Variants in FKBP1A observed in about 807,000 individuals in gnomAD.
The protein encoded by FKBP1A is FKBP prolyl isomerase 1A.
A neutral mutation model predicts 14.2 loss-of-function variants in FKBP1A; 5 were observed. That is an observed-to-expected ratio of 0.35 (90% confidence interval 0.18 to 0.74). The LOEUF (loss-of-function observed/expected upper bound fraction) is 0.74, where lower values mean the gene tolerates loss of function less well. Among genes scored for constraint, FKBP1A ranks in the 30% least tolerant of loss-of-function variants. The pLI, the probability that FKBP1A is intolerant of heterozygous loss-of-function variation, is 0.56. For missense variants in FKBP1A, 53 were observed against 138.8 expected, an observed-to-expected ratio of 0.38 and a Z score of 3.10; for synonymous variants, 42 against 49.1, an observed-to-expected ratio of 0.86 and a Z score of 0.60.
At chr20:1,377,329 T>A (rs949445434) in intron 2 of FKBP1A, 2 of 151,810 alleles carry the variant, frequency 1.3e-5, no homozygotes, top group African/African-American at 4.8e-5. Flanking sequence ...AGAGCAGGAG[T>A]AGAGACGGAT....
At chr20:1,375,283 G>GAAA in intron 3 of FKBP1A, 1 of 595,194 alleles carries the variant, frequency 1.7e-6, no homozygotes, top group Non-Finnish European at 3.0e-6. Context: ...GTGAAAGCAA[G>GAAA]AAAAAAGTTA....
intron 4 of FKBP1A, chr20:1,370,737 C>G: frequency 1.0e-6 from 1 of 985,376 alleles, no homozygotes; most frequent in Non-Finnish European, 1.2e-6. Flanking sequence ...CTCTCCCCTC[C>G]CTCTACCTCA....
intron 2 of FKBP1A, 28 bp downstream of exon 2, chr20:1,392,805 GC>G (rs1452578101): frequency 5.4e-6 from 8 of 1,475,382 alleles, no homozygotes; most frequent in Non-Finnish European, 7.2e-6. Context: ...TGCGGCCCGG[GC>G]CCCCTCCCCG....
intron 2 of FKBP1A, among the ~76,000 whole-genome samples, chr20:1,381,273 C>G (rs1357323371): frequency 1.3e-5 from 2 of 152,006 alleles, no homozygotes; most frequent in Non-Finnish European, 2.9e-5. Context: ...TAAAAAAGGG[C>G]TAAAGATTTG....
At chr20:1,388,427 AAC>A (rs1443042215) in intron 2 of FKBP1A, among the ~76,000 whole-genome samples, 1 of 152,234 alleles carries the variant, frequency 6.6e-6, no homozygotes, top group Admixed American at 6.5e-5. Flanking sequence ...AAAAAAGAGC[AAC>A]ACTTTGGAGA....
intron 3 of FKBP1A, chr20:1,374,455 T>C (rs2089510625): frequency 6.6e-6 from 1 of 152,206 alleles, no homozygotes; most frequent in South Asian, 2.1e-4. Flanking sequence ...TTAAAACCAC[T>C]GATATCATGT....
intron 4 of FKBP1A, chr20:1,370,804 G>A: frequency 1.0e-6 from 1 of 985,368 alleles, no homozygotes; most frequent in Non-Finnish European, 1.2e-6. Flanking sequence ...GCTCCCTCGA[G>A]TACAGTTATG....
Position 1,390,683 on chromosome 20 carries a change from C to A in FKBP1A, c.85+2151G>T, listed in dbSNP as rs1224607518. Among the ~76,000 whole-genome samples, 3 of 152,200 alleles carry A rather than the reference C, an allele frequency of 2.0e-5. No homozygotes were observed. In the East Asian group the frequency reaches 5.8e-4, roughly 29 times the overall value. ...CTGCTACAGATGAGATCTCCCAGTG[C>A]CTACCCACTCCTCTCACGCCCCCAC... On this transcript the variant is annotated intron_variant, in intron 2 of 4. Coordinates refer to ENST00000400137, the MANE Select transcript of FKBP1A (RefSeq NM_000801.5).
intron 2 of FKBP1A, among the ~76,000 whole-genome samples, chr20:1,376,032 A>G (rs1478143817): frequency 6.6e-6 from 1 of 152,152 alleles, no homozygotes; most frequent in African/African-American, 2.4e-5. Context: ...ATCCCCCATC[A>G]TCTTTCACAT....
chr20:1,384,262 G>A (rs1267096545), intron 2 of FKBP1A, among the ~76,000 whole-genome samples: 1 of 152,158 alleles, frequency 6.6e-6, no homozygotes, highest in Non-Finnish European at 1.5e-5. Flanking sequence ...TAAAATGAGT[G>A]TGAATACAAA....
intron 2 of FKBP1A, among the ~76,000 whole-genome samples, chr20:1,388,824 T>A (rs995042431): frequency 1.5e-4 from 22 of 150,620 alleles, no homozygotes; most frequent in African/African-American, 5.4e-4. Flanking sequence ...AACGTTTTTA[T>A]AAAAACCAAC....
At chr20:1,370,584 T>C (rs2089450635) in intron 4 of FKBP1A, 1 of 985,286 alleles carries the variant, frequency 1.0e-6, no homozygotes, top group Non-Finnish European at 1.2e-6. Flanking sequence ...TGGGAAAATA[T>C]CTCCAGTATT....
At chr20:1,389,453 A>T (rs1568593144) in intron 2 of FKBP1A, among the ~76,000 whole-genome samples, 2 of 152,178 alleles carry the variant, frequency 1.3e-5, no homozygotes, top group African/African-American at 4.8e-5. Context: ...GGAATAAAGC[A>T]GAGGAGAGGG....
intron 2 of FKBP1A, among the ~76,000 whole-genome samples, chr20:1,376,033 T>C (rs2089538254): frequency 6.6e-6 from 1 of 152,220 alleles, no homozygotes; most frequent in Admixed American, 6.5e-5. Flanking sequence ...TCCCCCATCA[T>C]CTTTCACATA....
chr20:1,370,270 A>T lies in FKBP1A; in HGVS notation c.*37-198T>A, dbSNP rs969814434. 4.2e-5 allele frequency: 41 copies of T among 985,434 alleles called. No individual in the cohort carries two copies. The African/African-American group carries it at 6.3e-4, about 15-fold the overall frequency. The allele number at this position is 985,434 out of a possible 1,614,324, so 61.0% of individuals were successfully genotyped here. A position where few individuals can be genotyped will look rare whatever the true frequency, so the allele number is the denominator to read the frequency against. ...CCAGGTGAAACAAACTTTCTCCTTAAATTGATCTGTGTGTTTTGTTTAATC... is the reference window on the plus strand; with the variant it reads ...CCAGGTGAAACAAACTTTCTCCTTATATTGATCTGTGTGTTTTGTTTAATC... On this transcript the variant is annotated intron_variant, in intron 4 of 4. Coordinates refer to ENST00000400137, the MANE Select transcript of FKBP1A (RefSeq NM_000801.5).
At position 1,388,054 on chromosome 20, in the gene FKBP1A, A is replaced by AC. The variant is rs545615979; in HGVS notation, c.85+4779dup. On this transcript the variant is annotated intron_variant, in intron 2 of 4. Transcript: ENST00000400137. ...AGAGACCATCTATGGCTACCTAAGC[A>AC]CTCCACAGATCACTGCTAAATGCAA... is the stretch of plus-strand genomic sequence containing the variant. Among the ~76,000 whole-genome samples the AC allele has an allele frequency of 2.1e-4, 32 of 152,336 alleles. No individual in the cohort carries two copies. In the South Asian group the frequency reaches 6.6e-3, roughly 32 times the overall value.
chr20:1,383,877 G>A (rs6041880), intron 2 of FKBP1A, among the ~76,000 whole-genome samples: 29,488 of 151,488 alleles, frequency 0.19, 3,880 homozygotes, highest in East Asian at 0.69. Flanking sequence ...AATGGGTGGA[G>A]GTAGGGGGAG....
At chr20:1,382,489 G>C (rs1375603605) in intron 2 of FKBP1A, among the ~76,000 whole-genome samples, 1 of 152,068 alleles carries the variant, frequency 6.6e-6, no homozygotes, top group Admixed American at 6.5e-5. Context: ...TTTAGTCTTG[G>C]CTCTCCTGAC....
At chr20:1,384,629 G>A (rs2089651029) in intron 2 of FKBP1A, among the ~76,000 whole-genome samples, 1 of 152,082 alleles carries the variant, frequency 6.6e-6, no homozygotes, top group African/African-American at 2.4e-5. Context: ...TGGGTAAAAA[G>A]GGATTCTACA....
Sources: gnomAD v4.1 joint callset for allele counts (sites outside exome capture counted in the v4.1 genomes callset) on GRCh38, gnomAD v4.1.1 for gene constraint, MANE v1.5 for transcripts, NCBI Gene and HGNC (gene_info 2026-07-23, HGNC 2026-07-21) for gene names.